The following TMEM185A variants were observed in gnomAD, a reference collection of about 807,000 sequenced individuals.
TMEM185A encodes the protein family with sequence similarity 11, member A.
In TMEM185A, 9 loss-of-function variants were observed where a neutral mutation model predicts 25.0. The observed-to-expected ratio is 0.36, with a 90% CI of 0.22 to 0.63. The LOEUF (loss-of-function observed/expected upper bound fraction) is 0.63. Among genes scored for constraint, TMEM185A ranks in the 20% least tolerant of loss-of-function variants. The probability of loss-of-function intolerance (pLI) is 0.68; values close to 1 mark genes in which losing one functional copy is unlikely to be tolerated. For missense variants in TMEM185A, 103 were observed against 237.4 expected (o/e 0.43, Z 3.72); for synonymous variants, 45 against 93.5 (o/e 0.48, Z 2.99).
chrX:149,612,791 T>C (rs1314402319), intron 1 of TMEM185A, among the ~76,000 whole-genome samples: 3 of 112,020 alleles, frequency 2.7e-5, no homozygotes. Context: ...ATCCAGTTTC[T>C]TGTGGTTGTA....
chrX:149,608,536 G>C (rs782367933), intron 3 of TMEM185A, 91 bp downstream of exon 3: 1 of 882,358 alleles, frequency 1.1e-6, no homozygotes, highest in Non-Finnish European at 1.6e-6. Context: ...TCACCATGTT[G>C]GCCAGGCTGG....
chrX:149,630,782 TG>T (rs2090187214), intron 1 of TMEM185A, among the ~76,000 whole-genome samples: 1 of 111,402 alleles, frequency 9.0e-6, no homozygotes, highest in South Asian at 3.8e-4. Flanking sequence ...GCTCACAGCC[TG>T]GGGTAAAGAA....
At chrX:149,599,463 T>G (rs1602851777) in intron 6 of TMEM185A, 91 bp downstream of exon 6, 11 of 813,229 alleles carry the variant, frequency 1.4e-5, no homozygotes, top group African/African-American at 2.4e-5. Context: ...CCTCGGGGAC[T>G]CATCCCTTCC....
intron 1 of TMEM185A, among the ~76,000 whole-genome samples, chrX:149,616,077 C>T (rs2090108737): frequency 8.9e-6 from 1 of 112,106 alleles, no homozygotes; most frequent in Admixed American, 9.4e-5. Flanking sequence ...GTTCCACCCT[C>T]ATAACCTAAT....
At chrX:149,614,316 G>A (rs782406753) in intron 1 of TMEM185A, among the ~76,000 whole-genome samples, 5 of 112,021 alleles carry the variant, frequency 4.5e-5, no homozygotes, top group Admixed American at 9.5e-5. Context: ...GCCACACTGC[G>A]AAATAATCCA....
intron 3 of TMEM185A, among the ~76,000 whole-genome samples, chrX:149,605,436 A>ACTATGGCCTCCCATGTCACTTT (rs1569560956): frequency 1.8e-5 from 1 of 56,763 alleles, no homozygotes; most frequent in African/African-American, 8.9e-5. Context: ...CTCCCATGTC[A>ACTATGGCCTCCCATGTCACTTT]CTATGGCCTC....
intron 1 of TMEM185A, among the ~76,000 whole-genome samples, chrX:149,621,578 C>A (rs1557355533): frequency 8.9e-6 from 1 of 111,887 alleles, no homozygotes; most frequent in East Asian, 2.8e-4. Context: ...AAAGCATAAA[C>A]CTAGTGGTTT....
chrX:149,604,144 C>T (rs1224513521), intron 3 of TMEM185A, 74 bp from the exon 4 acceptor site: 2 of 689,483 alleles, frequency 2.9e-6, no homozygotes, highest in Non-Finnish European at 4.6e-6. Flanking sequence ...GGTTAACACA[C>T]TAAAAGACAA....
At position 149,601,947 on chromosome X, in the gene TMEM185A, C is replaced by T. The variant is rs782162540; in HGVS notation, c.508-1468G>A. ...CTGCATCCTCCCAGGCACGTGGCCT[C>T]GTCAGTGTTGCTGAGTTTCACCATT... On this transcript the variant is annotated intron_variant, in intron 4 of 6. Coordinates refer to ENST00000600449, the MANE Select transcript of TMEM185A (RefSeq NM_032508.4). 64 of 66,402 alleles carry T rather than the reference C, an allele frequency of 9.6e-4. 1 individual carries two copies. The highest frequency in any genetic ancestry group is 4.1e-3 in the African/African-American group (59 of 14,287). 5.5% of individuals were successfully genotyped at this position (66,402 alleles called of 1,213,427 possible).
At chrX:149,631,470 C>T (rs1390123928) in intron 1 of TMEM185A, 73 bp downstream of exon 1, 28 of 1,101,177 alleles carry the variant, frequency 2.5e-5, no homozygotes, top group Non-Finnish European at 2.8e-5. Flanking sequence ...GCCGTGCCTC[C>T]CCGGAGCCGA....
At chrX:149,613,414 C>T (rs2090094659) in intron 1 of TMEM185A, among the ~76,000 whole-genome samples, 1 of 112,056 alleles carries the variant, frequency 8.9e-6, no homozygotes, top group Non-Finnish European at 1.9e-5. Context: ...CCAAGGAATG[C>T]AGGCAGGCTT....
intron 1 of TMEM185A, among the ~76,000 whole-genome samples, chrX:149,631,306 C>T (rs1253493734): frequency 9.0e-6 from 1 of 110,617 alleles, no homozygotes; most frequent in Non-Finnish European, 1.9e-5. Context: ...CGCGGCCGGG[C>T]CCTTCCGGCC....
At chrX:149,630,982 T>C (rs2090188200) in intron 1 of TMEM185A, among the ~76,000 whole-genome samples, 1 of 110,694 alleles carries the variant, frequency 9.0e-6, no homozygotes, top group Admixed American at 9.5e-5. Flanking sequence ...CACCCAGAAA[T>C]GCATTATATA....
At chrX:149,628,802 G>A (rs1406611512) in intron 1 of TMEM185A, among the ~76,000 whole-genome samples, 12 of 112,363 alleles carry the variant, frequency 1.1e-4, no homozygotes, top group Non-Finnish European at 5.6e-5. Flanking sequence ...CACTCTGAAG[G>A]TGGGAAGAGT....
chrX:149,616,177 T>C (rs1346372646), intron 1 of TMEM185A, among the ~76,000 whole-genome samples: 1 of 112,298 alleles, frequency 8.9e-6, no homozygotes, highest in Non-Finnish European at 1.9e-5. Flanking sequence ...AGTTCATAAC[T>C]GCCAAGAAAA....
intron 1 of TMEM185A, among the ~76,000 whole-genome samples, chrX:149,627,913 A>C (rs1383256310): frequency 5.3e-5 from 6 of 112,312 alleles, no homozygotes; most frequent in African/African-American, 1.9e-4. Flanking sequence ...GACTTTAGTG[A>C]ACTATATTAC....
At chrX:149,624,545 G>A (rs1480385999) in intron 1 of TMEM185A, among the ~76,000 whole-genome samples, 1 of 111,406 alleles carries the variant, frequency 9.0e-6, no homozygotes, top group Non-Finnish European at 1.9e-5. Flanking sequence ...ACACATGCCT[G>A]CATGCACGTA....
chrX:149,630,509 C>T (rs2090185520), intron 1 of TMEM185A, among the ~76,000 whole-genome samples: 1 of 111,846 alleles, frequency 8.9e-6, no homozygotes, highest in Non-Finnish European at 1.9e-5. Flanking sequence ...AGCACGTCTT[C>T]CCAACTGGCA....
chrX:149,618,147 A>G (rs1230410166), intron 1 of TMEM185A, among the ~76,000 whole-genome samples: 1 of 112,070 alleles, frequency 8.9e-6, no homozygotes, highest in Non-Finnish European at 1.9e-5. Context: ...ACATGTTTAG[A>G]AAAGCATCTG....
Sources: gnomAD v4.1 joint callset for allele counts (sites outside exome capture counted in the v4.1 genomes callset) on GRCh38, gnomAD v4.1.1 for gene constraint, MANE v1.5 for transcripts, NCBI Gene and HGNC (gene_info 2026-07-23, HGNC 2026-07-21) for gene names.